PCSK9: variants seen among roughly 807,000 people sequenced by gnomAD.
The protein encoded by PCSK9 is convertase subtilisin/kexin type 9 preproprotein.
PCSK9 carries 57 observed loss-of-function variants against 62.1 expected under a neutral mutation model. The ratio of observed to expected loss-of-function variants is 0.92; its 90% CI spans 0.74 to 1.14. The LOEUF is 1.14. Among genes scored for constraint, PCSK9 ranks in the 50% most tolerant of loss-of-function variants. PCSK9 has a pLI of 0.00. For synonymous variants in PCSK9, 387 were observed against 409.4 expected, an observed-to-expected ratio of 0.95 and a Z score of 0.66; for missense variants, 870 against 959.8, an observed-to-expected ratio of 0.91 and a Z score of 1.24.
In PCSK9 at chr1:55,052,650, G is replaced by A. The variant is rs768795323; in HGVS notation, c.658G>A (p.Ala220Thr). The change falls in exon 5 of 12, where the codon GCC becomes ACC. Residue 220 changes from alanine to threonine, a missense_variant and splice_region_variant. Transcript: ENST00000302118. Reference sequence around the variant, plus strand: ...TGTGGTCCTTGTGTTCGTCGAGCAGGCCAGCAAGTGTGACAGTCATGGCAC... The same window carrying A: ...TGTGGTCCTTGTGTTCGTCGAGCAGACCAGCAAGTGTGACAGTCATGGCAC... ...EEDGTRFHRQ[A>T]SKCDSHGTHL... 11 of 1,612,930 alleles carry A rather than the reference G, an allele frequency of 6.8e-6. No homozygotes were observed. The East Asian group carries it at 1.1e-4, about 16-fold the overall frequency.
intron 9 of PCSK9, 84 bp downstream of exon 9, chr1:55,058,731 C>T (rs1276489261): frequency 1.3e-6 from 2 of 1,543,520 alleles, no homozygotes; most frequent in Non-Finnish European, 1.7e-6. Context: ...GTGCTGGGCC[C>T]TCAGGGACCC....
At chr1:55,054,753 C>T (rs959731938) in intron 5 of PCSK9, among the ~76,000 whole-genome samples, 1 of 152,202 alleles carries the variant, frequency 6.6e-6, no homozygotes, top group African/African-American at 2.4e-5. Flanking sequence ...CGCCTGTAAT[C>T]TTAGCACTTT....
rs1212462879 is a variant in PCSK9 at position 55,040,874 on chromosome 1, T to G, written c.207+830T>G. On this transcript the variant is annotated intron_variant, in intron 1 of 11. Transcript: ENST00000302118. The surrounding 1 kb of genome is among the most constrained non-coding windows in gnomAD (Gnocchi z 4.1). Reference sequence around the variant, plus strand: ...CAACAACTCTGCCAGCTTCTGGCCCTCAGGCTGTGGGAAGCTTCTTCCCGG... The same window carrying G: ...CAACAACTCTGCCAGCTTCTGGCCCGCAGGCTGTGGGAAGCTTCTTCCCGG... Among the ~76,000 whole-genome samples, 2 of 152,166 alleles carry G rather than the reference T, an allele frequency of 1.3e-5. No individual in the cohort carries two copies. Among genetic ancestry groups the G allele is most frequent in the African/African-American group, 2.4e-5 (1 of 41,460 alleles).
At position 55,049,899 on chromosome 1, in the gene PCSK9, C is replaced by T. The variant is rs552947157; in HGVS notation, c.524-2379C>T. 2.0e-5 allele frequency among the ~76,000 whole-genome samples: 3 copies of T among 152,362 alleles called. No homozygotes were observed. The East Asian group carries it at 5.8e-4, about 29-fold the overall frequency. ...ATCATCTTGCAGCAGAACCCAGGTA[C>T]AGCTCCTGGAGCAGATGGTGGTCCC... is the stretch of plus-strand genomic sequence containing the variant. On this transcript the variant is annotated intron_variant, in intron 3 of 11. Transcript: ENST00000302118.
Position 55,052,775 on chromosome 1 carries a change from T to G in PCSK9, c.783T>G (p.Val261=). 1 of 1,613,098 alleles carries G rather than the reference T, an allele frequency of 6.2e-7. No individual in the cohort carries two copies. The highest frequency in any genetic ancestry group is 2.2e-5 in the East Asian group (1 of 44,876). The change falls in exon 5 of 12, where the codon GTT becomes GTG. Residue 261 remains valine (V), a synonymous_variant. Transcript: ENST00000302118. ...RVLNCQGKGT[V]SGTLIGLEFI... ...TCAACTGCCAAGGGAAGGGCACGGT[T>G]AGCGGCACCCTCATAGGTAAGTGAT...
At position 55,056,058 on chromosome 1, in the gene PCSK9, C is replaced by A; in HGVS notation, c.865C>A (p.Leu289Met). 1 of 1,607,514 alleles carries A rather than the reference C, an allele frequency of 6.2e-7. No homozygotes were observed. The change falls in exon 6 of 12, where the codon CTG (leucine) becomes ATG (methionine). Residue 289 changes from leucine to methionine, a missense_variant. By Grantham distance (15) the Leu-to-Met change is conservative (BLOSUM62 2). Transcript: ENST00000302118. ...PVGPLVVLLP[L>M]AGGYSRVLNA... Reference sequence around the variant, plus strand: ...GGGGCCACTGGTGGTGCTGCTGCCCCTGGCGGGTGGGTACAGCCGCGTCCT... The same window carrying A: ...GGGGCCACTGGTGGTGCTGCTGCCCATGGCGGGTGGGTACAGCCGCGTCCT...
chr1:55,058,002 C>T, intron 7 of PCSK9, 34 bp from the exon 8 acceptor site: 2 of 1,613,256 alleles, frequency 1.2e-6, no homozygotes, highest in South Asian at 1.1e-5. Context: ...AGGGCCGGGC[C>T]ATCACCATCT....
intron 11 of PCSK9, among the ~76,000 whole-genome samples, chr1:55,063,117 A>G (rs1356668558): frequency 6.6e-6 from 1 of 152,126 alleles, no homozygotes; most frequent in Non-Finnish European, 1.5e-5. Context: ...CATGGTAGGC[A>G]TCTGTCTATC....
intron 10 of PCSK9, 65 bp downstream of exon 10, chr1:55,059,728 C>G: frequency 6.6e-7 from 1 of 1,518,738 alleles, no homozygotes; most frequent in Non-Finnish European, 8.9e-7. Context: ...CCACTGCCCG[C>G]GAGGCTTGGT....
At chr1:55,062,201 A>G (rs889144666) in intron 11 of PCSK9, among the ~76,000 whole-genome samples, 4 of 152,262 alleles carry the variant, frequency 2.6e-5, no homozygotes, top group Non-Finnish European at 5.9e-5. Context: ...GGCCTTCTAG[A>G]AACCTGAGTG....
chr1:55,051,223 A>G (rs1459352525), intron 3 of PCSK9: 1 of 456,224 alleles, frequency 2.2e-6, no homozygotes, highest in Admixed American at 2.3e-5. Flanking sequence ...GGGGCCACAG[A>G]GGTGCTGTTC....
intron 11 of PCSK9, 142 bp from the exon 12 acceptor site, chr1:55,063,227 G>T (rs1644775820): frequency 3.5e-6 from 3 of 859,870 alleles, no homozygotes; most frequent in South Asian, 3.2e-5. Flanking sequence ...GAGATACACG[G>T]TTGTGTCCCA....
rs72646525 is a variant in PCSK9 at position 55,061,420 on chromosome 1, C to T, written c.1727C>T (p.Pro576Leu). 68 of 1,610,718 alleles carry T rather than the reference C, an allele frequency of 4.2e-5. No individual in the cohort carries two copies. In the East Asian group the frequency reaches 6.9e-4, roughly 16 times the overall value. Residue 576 changes from proline (P) to leucine (L), a missense_variant, in exon 11 of 12, where the codon CCG (proline) becomes CTG (leucine). By Grantham distance (98) the Pro-to-Leu change is moderately conservative (BLOSUM62 -3). Transcript: ENST00000302118. ...GTGGAGGACCTTGGCACCCACAAGC[C>T]GCCTGTGCTGAGGCCACGAGGTCAG... ...WEVEDLGTHK[P>L]PVLRPRGQPN...
At chr1:55,052,210 C>G (rs624612) in intron 3 of PCSK9, 68 bp from the exon 4 acceptor site, 681,850 of 1,603,938 alleles carry the variant, frequency 0.43, 154,167 homozygotes, top group East Asian at 0.72. Context: ...TCTGTAGTTT[C>G]TGTGTGTTAA....
At chr1:55,047,614 G>T (rs1644643403) in intron 3 of PCSK9, among the ~76,000 whole-genome samples, 1 of 152,168 alleles carries the variant, frequency 6.6e-6, no homozygotes, top group Admixed American at 6.5e-5. Flanking sequence ...AAAAGTTGGG[G>T]GGCTACTGTG....
intron 1 of PCSK9, among the ~76,000 whole-genome samples, chr1:55,043,087 C>T (rs945380994): frequency 8.5e-5 from 13 of 152,232 alleles, no homozygotes; most frequent in African/African-American, 3.1e-4. Flanking sequence ...GATGCTGGTG[C>T]CATGCTTCCT....
intron 1 of PCSK9, among the ~76,000 whole-genome samples, chr1:55,041,968 T>C (rs528909926): frequency 2.7e-4 from 41 of 152,078 alleles, no homozygotes; most frequent in African/African-American, 9.9e-4. Flanking sequence ...TTTTTTGAGA[T>C]GGAGTTTCGC....
intron 3 of PCSK9, among the ~76,000 whole-genome samples, chr1:55,050,016 G>C (rs1251353896): frequency 6.6e-6 from 1 of 152,254 alleles, no homozygotes; most frequent in Non-Finnish European, 1.5e-5. Context: ...ACATGGACTG[G>C]AAGCCTGCCC....
Position 55,053,486 on chromosome 1 carries a change from G to GTGA in PCSK9, c.799+696_799+698dup, listed in dbSNP as rs569555983. Among the ~76,000 whole-genome samples, 3 of 152,300 alleles carry GTGA rather than the reference G, an allele frequency of 2.0e-5. No individual in the cohort carries two copies. The East Asian group carries it at 5.8e-4, about 29-fold the overall frequency. ...GACGAAACCAGTCCAGAGAGGGGAGGTGACTGCCAGGGTCGCACAGCTCAA... is the reference window on the plus strand; with the variant it reads ...GACGAAACCAGTCCAGAGAGGGGAGGTGATGACTGCCAGGGTCGCACAGCTCAA... On this transcript the variant is annotated intron_variant, in intron 5 of 11. Coordinates refer to ENST00000302118, the MANE Select transcript of PCSK9 (RefSeq NM_174936.4).
Sources: gnomAD v4.1 joint callset for allele counts (sites outside exome capture counted in the v4.1 genomes callset) on GRCh38, gnomAD v4.1.1 for gene constraint, Gnocchi (gnomAD v3.1) non-coding constraint, MANE v1.5 for transcripts, NCBI Gene and HGNC (gene_info 2026-07-23, HGNC 2026-07-21) for gene names.